GATC: variants seen among roughly 807,000 people sequenced by gnomAD.
GATC encodes glutamyl-tRNA amidotransferase subunit C, also known as glutamyl-tRNA(Gln) amidotransferase subunit C, mitochondrial.
A neutral mutation model predicts 14.4 loss-of-function variants in GATC; 11 were observed. The ratio of observed to expected loss-of-function variants is 0.77; its 90% CI spans 0.48 to 1.27. The LOEUF (loss-of-function observed/expected upper bound fraction) is 1.27, where lower values mean the gene tolerates loss of function less well. Among genes scored for constraint, GATC ranks in the 50% most tolerant of loss-of-function variants. GATC has a pLI of 0.00. For synonymous variants in GATC, 76 were observed against 79.3 expected (o/e 0.96, Z 0.22); for missense variants, 204 against 183.0 (o/e 1.11, Z -0.66).
chr12:120,454,996 T>C, intron 2 of GATC: 1 of 451,802 alleles, frequency 2.2e-6, no homozygotes, highest in South Asian at 1.6e-5. Context: ...CAAGTGATTC[T>C]TGTGCCTCAG....
At chr12:120,449,519 G>C (rs4767895) in intron 2 of GATC, among the ~76,000 whole-genome samples, 1 of 151,944 alleles carries the variant, frequency 6.6e-6, no homozygotes, top group African/African-American at 2.4e-5. Context: ...GCGTGATCTC[G>C]GCTCACTGCA....
At chr12:120,452,698 G>C (rs1565913532) in intron 2 of GATC, among the ~76,000 whole-genome samples, 1 of 151,962 alleles carries the variant, frequency 6.6e-6, no homozygotes, top group African/African-American at 2.4e-5. Flanking sequence ...CATCATGCCT[G>C]GCCTGAATCC....
In GATC at chr12:120,462,026, G is replaced by A. The variant is rs769622746; in HGVS notation, c.*2067G>A. On this transcript the variant is annotated 3_prime_UTR_variant, in exon 4 of 4. Coordinates refer to ENST00000551765, the MANE Select transcript of GATC (RefSeq NM_176818.3). Reference sequence around the variant, plus strand: ...AAATTCCCATCACCTGTCTCAGTAGGGCCTGAAAGGAGAGAAGTAGTGTGG... The same window carrying A: ...AAATTCCCATCACCTGTCTCAGTAGAGCCTGAAAGGAGAGAAGTAGTGTGG... 6.2e-7 allele frequency: 1 copy of A among 1,609,806 alleles called. No homozygotes were observed. Among genetic ancestry groups the A allele is most frequent in the South Asian group, 1.1e-5 (1 of 90,676 alleles).
intron 2 of GATC, 73 bp downstream of exon 2, chr12:120,446,902 A>C: frequency 7.0e-7 from 1 of 1,435,256 alleles, no homozygotes; most frequent in Non-Finnish European, 9.4e-7. Flanking sequence ...CGATTAGCGA[A>C]CAGTTTTCCA....
intron 2 of GATC, among the ~76,000 whole-genome samples, chr12:120,453,672 C>A (rs541130842): frequency 7.2e-5 from 11 of 151,834 alleles, no homozygotes; most frequent in Non-Finnish European, 1.5e-5. Flanking sequence ...TCACAGAGAC[C>A]GTGGGTTCAG....
chr12:120,449,010 T>C (rs1054724965), intron 2 of GATC, among the ~76,000 whole-genome samples: 2 of 151,182 alleles, frequency 1.3e-5, no homozygotes, highest in African/African-American at 4.9e-5. Context: ...TCGCTGAGGC[T>C]GGAGTGCAGT....
intron 2 of GATC, among the ~76,000 whole-genome samples, chr12:120,453,854 CAAA>C (rs869264391): frequency 7.0e-6 from 1 of 143,838 alleles, no homozygotes; most frequent in Middle Eastern, 3.3e-3. Context: ...ACAACAACAA[CAAA>C]AAACCAACCC....
chr12:120,458,262 T>C (rs1878239250), intron 3 of GATC, among the ~76,000 whole-genome samples: 1 of 152,128 alleles, frequency 6.6e-6, no homozygotes, highest in African/African-American at 2.4e-5. Flanking sequence ...CTAATATTTT[T>C]GTATTTTTAG....
At chr12:120,450,376 TTTTA>T (rs781037891) in intron 2 of GATC, 9 of 152,200 alleles carry the variant, frequency 5.9e-5, no homozygotes, top group South Asian at 2.1e-4. Context: ...GTATTAAACC[TTTTA>T]TTTTTTATTT....
intron 2 of GATC, among the ~76,000 whole-genome samples, chr12:120,456,763 G>C (rs1005928721): frequency 1.3e-5 from 2 of 152,130 alleles, no homozygotes; most frequent in Non-Finnish European, 2.9e-5. Context: ...ACCTCTGTTA[G>C]ATTTAAAATA....
chr12:120,452,652 T>C (rs942789151), intron 2 of GATC, among the ~76,000 whole-genome samples: 2 of 151,698 alleles, frequency 1.3e-5, no homozygotes, highest in African/African-American at 2.4e-5. Flanking sequence ...TCCTCCTGCC[T>C]CGGCCTCCCA....
chr12:120,454,606 G>A (rs563703773), intron 2 of GATC, among the ~76,000 whole-genome samples: 29 of 150,710 alleles, frequency 1.9e-4, no homozygotes, highest in African/African-American at 6.8e-4. Flanking sequence ...TAGTAGAGAC[G>A]GGGTTTCACC....
At chr12:120,447,239 C>G (rs1413373236) in intron 2 of GATC, among the ~76,000 whole-genome samples, 1 of 151,982 alleles carries the variant, frequency 6.6e-6, no homozygotes, top group Non-Finnish European at 1.5e-5. Flanking sequence ...CCAGGCCCGG[C>G]TTATTTTTTT....
chr12:120,449,726 C>A (rs1877986025), intron 2 of GATC, among the ~76,000 whole-genome samples: 1 of 151,706 alleles, frequency 6.6e-6, no homozygotes, highest in African/African-American at 2.4e-5. Context: ...GGAATACAGC[C>A]TTGAGCTGCC....
At chr12:120,451,575 C>T (rs1482037631) in intron 2 of GATC, among the ~76,000 whole-genome samples, 1 of 151,872 alleles carries the variant, frequency 6.6e-6, no homozygotes, top group Admixed American at 6.6e-5. Flanking sequence ...AACTCCTTCT[C>T]TACTAAAAAT....
At chr12:120,451,876 T>TTTTTTTTTTTTA (rs1225730738) in intron 2 of GATC, among the ~76,000 whole-genome samples, 1 of 105,718 alleles carries the variant, frequency 9.5e-6, no homozygotes. Flanking sequence ...ATATAAATTC[T>TTTTTTTTTTTTA]TTTTTTTTTT....
In GATC at chr12:120,462,476, C is replaced by T. The variant is rs1279038979; in HGVS notation, c.*2517C>T. 4.8e-6 allele frequency: 1 copy of T among 210,526 alleles called. No homozygotes were observed. Among genetic ancestry groups the T allele is most frequent in the African/African-American group, 2.3e-5 (1 of 42,830 alleles). 13.0% of individuals were successfully genotyped at this position (210,526 alleles called of 1,614,324 possible). A position where few individuals can be genotyped will look rare whatever the true frequency, so the allele number is the denominator to read the frequency against. ...ATCTGAATTACTGCCATTGACCCCC[C>T]TCAAAGCTAAGAACTGGAAAGGATC... On this transcript the variant is annotated 3_prime_UTR_variant, in exon 4 of 4. Transcript: ENST00000551765.
chr12:120,458,067 G>A (rs1459659588), intron 3 of GATC, among the ~76,000 whole-genome samples: 4 of 151,482 alleles, frequency 2.6e-5, no homozygotes, highest in African/African-American at 9.7e-5. Flanking sequence ...AGAGAACCTG[G>A]ATACCTGACA....
intron 2 of GATC, chr12:120,454,856 T>TAA (rs1565914037): frequency 8.9e-6 from 2 of 224,776 alleles, no homozygotes; most frequent in Admixed American, 4.5e-5. Context: ...CTTGTGTTAT[T>TAA]CAAAAAAAAA....
Sources: gnomAD v4.1 joint callset for allele counts (sites outside exome capture counted in the v4.1 genomes callset) on GRCh38, gnomAD v4.1.1 for gene constraint, MANE v1.5 for transcripts, NCBI Gene and HGNC (gene_info 2026-07-23, HGNC 2026-07-21) for gene names.